The following NKAIN2 variants were observed in gnomAD, a reference collection of about 807,000 sequenced individuals.
NKAIN2 encodes the protein sodium/potassium-transporting ATPase subunit beta-1-interacting protein 2.
A neutral mutation model predicts 32.6 loss-of-function variants in NKAIN2; 14 were observed. The observed-to-expected ratio is 0.43, with a 90% CI of 0.28 to 0.67. The LOEUF (loss-of-function observed/expected upper bound fraction) is 0.67, where lower values mean the gene tolerates loss of function less well. Ranked by LOEUF, NKAIN2 falls within the 30% of genes least tolerant of loss-of-function variation. The pLI is 0.17. For missense variants in NKAIN2, 198 were observed against 258.3 expected (o/e 0.77, Z 1.60); for synonymous variants, 80 against 87.2 (o/e 0.92, Z 0.46).
intron 4 of NKAIN2, among the ~76,000 whole-genome samples, chr6:124,695,737 A>C (rs1016945897): frequency 6.6e-6 from 1 of 152,200 alleles, no homozygotes; most frequent in Admixed American, 6.6e-5. Flanking sequence ...ACTCGGCTAA[A>C]GTAGGAGGGT....
intron 3 of NKAIN2, among the ~76,000 whole-genome samples, chr6:124,525,994 T>A (rs1325263781): frequency 6.6e-6 from 1 of 152,178 alleles, no homozygotes; most frequent in East Asian, 1.9e-4. Context: ...GATACAGTAG[T>A]TAAAAAATGT....
intron 4 of NKAIN2, among the ~76,000 whole-genome samples, chr6:124,685,022 G>T (rs1038728449): frequency 6.6e-6 from 1 of 152,066 alleles, no homozygotes; most frequent in Admixed American, 6.6e-5. Context: ...CCTGGGTAAG[G>T]TTAGTTACTT....
At chr6:124,592,212 C>CA (rs1583487750) in intron 3 of NKAIN2, among the ~76,000 whole-genome samples, 2 of 151,988 alleles carry the variant, frequency 1.3e-5, no homozygotes, top group African/African-American at 4.8e-5. Flanking sequence ...GCTTTGAGGA[C>CA]AAAACAAAAG....
chr6:124,153,199 G>A (rs1441070493), intron 1 of NKAIN2, among the ~76,000 whole-genome samples: 16 of 151,836 alleles, frequency 1.1e-4, no homozygotes, highest in Admixed American at 7.9e-4. Context: ...TGGATATTCC[G>A]ATTACCCTGA....
intron 1 of NKAIN2, among the ~76,000 whole-genome samples, chr6:124,190,145 C>A (rs1409109955): frequency 6.6e-6 from 1 of 152,180 alleles, no homozygotes; most frequent in East Asian, 1.9e-4. Flanking sequence ...TATGGTGGCC[C>A]TGTCTTCATA....
At position 124,726,157 on chromosome 6, in the gene NKAIN2, G is replaced by T. The variant is rs548472370; in HGVS notation, c.475-65182G>T. Among the ~76,000 whole-genome samples the T allele has an allele frequency of 1.6e-4, 25 of 152,306 alleles. 1 individual carries two copies. The South Asian group carries it at 5.2e-3, about 32-fold the overall frequency. On this transcript the variant is annotated intron_variant, in intron 4 of 6. Transcript: ENST00000368417. ...GGGGCGCCCACCATTGCCCAGGCTTGATTAGGTAAACAAAGCAGCCAGAAA... is the reference window on the plus strand; with the variant it reads ...GGGGCGCCCACCATTGCCCAGGCTTTATTAGGTAAACAAAGCAGCCAGAAA...
At chr6:124,676,344 G>A (rs1312763629) in intron 4 of NKAIN2, among the ~76,000 whole-genome samples, 1 of 152,058 alleles carries the variant, frequency 6.6e-6, no homozygotes, top group Non-Finnish European at 1.5e-5. Context: ...GCTCCATTTT[G>A]TCTATATTGT....
At chr6:124,121,029 G>A (rs1785854187) in intron 1 of NKAIN2, among the ~76,000 whole-genome samples, 1 of 152,156 alleles carries the variant, frequency 6.6e-6, no homozygotes, top group African/African-American at 2.4e-5. Context: ...TTTAAGGACA[G>A]TGAAGGCTAA....
chr6:124,502,450 C>T (rs573260179), intron 3 of NKAIN2, among the ~76,000 whole-genome samples: 13 of 152,242 alleles, frequency 8.5e-5, no homozygotes, highest in African/African-American at 2.6e-4. Flanking sequence ...TGAATTCTTC[C>T]ACACATACTT....
chr6:124,392,792 C>T (rs1050500302), intron 3 of NKAIN2, among the ~76,000 whole-genome samples: 1 of 152,098 alleles, frequency 6.6e-6, no homozygotes, highest in African/African-American at 2.4e-5. Flanking sequence ...ATAAATAATT[C>T]AGTGAAAGGC....
At chr6:124,742,999 T>C (rs1381884785) in intron 4 of NKAIN2, among the ~76,000 whole-genome samples, 1 of 151,966 alleles carries the variant, frequency 6.6e-6, no homozygotes, top group Non-Finnish European at 1.5e-5. Flanking sequence ...AATGATGTTA[T>C]TAATCTCTTT....
chr6:124,024,715 G>A (rs758828298), intron 1 of NKAIN2, among the ~76,000 whole-genome samples: 1 of 152,030 alleles, frequency 6.6e-6, no homozygotes, highest in Non-Finnish European at 1.5e-5. Context: ...CTGGCCAGGC[G>A]TGGTGGCTCA....
intron 1 of NKAIN2, among the ~76,000 whole-genome samples, chr6:124,205,081 C>G (rs750698742): frequency 6.6e-6 from 1 of 151,462 alleles, no homozygotes; most frequent in South Asian, 2.1e-4. Context: ...AAAGAAATGT[C>G]CCAGGTAACT....
chr6:124,294,008 T>C (rs73773715), intron 2 of NKAIN2, among the ~76,000 whole-genome samples: 4,466 of 152,270 alleles, frequency 0.029, 222 homozygotes, highest in African/African-American at 0.1. Flanking sequence ...TAGTCTTTTT[T>C]GTGTTGCTAT....
intron 1 of NKAIN2, among the ~76,000 whole-genome samples, chr6:124,278,888 T>G (rs1049345211): frequency 1.3e-5 from 2 of 151,634 alleles, no homozygotes; most frequent in African/African-American, 4.8e-5. Flanking sequence ...AAACTGGAAA[T>G]GAATTAAAGA....
chr6:123,888,270 A>G (rs567758766), intron 1 of NKAIN2, among the ~76,000 whole-genome samples: 13 of 152,240 alleles, frequency 8.5e-5, no homozygotes, highest in African/African-American at 1.7e-4. Context: ...CTAAAGATTA[A>G]TGGAAGTCAT....
intron 2 of NKAIN2, among the ~76,000 whole-genome samples, chr6:124,318,887 T>C (rs902395771): frequency 2.6e-5 from 4 of 152,106 alleles, no homozygotes; most frequent in African/African-American, 9.7e-5. Flanking sequence ...TAAACAAGTC[T>C]GGGTGTTATG....
chr6:124,566,385 G>A (rs1318183053), intron 3 of NKAIN2, among the ~76,000 whole-genome samples: 2 of 152,092 alleles, frequency 1.3e-5, no homozygotes, highest in East Asian at 1.9e-4. Flanking sequence ...GTGAGTAGAG[G>A]TGATGTCTTA....
At chr6:124,412,503 G>A (rs1320338546) in intron 3 of NKAIN2, among the ~76,000 whole-genome samples, 1 of 152,144 alleles carries the variant, frequency 6.6e-6, no homozygotes, top group Non-Finnish European at 1.5e-5. Context: ...TTGGTGAACC[G>A]CAAATGCTGC....
Sources: allele counts gnomAD v4.1 joint callset (sites outside exome capture counted in the v4.1 genomes callset), GRCh38; gene constraint gnomAD v4.1.1; transcripts MANE v1.5; gene names NCBI Gene and HGNC (gene_info 2026-07-23, HGNC 2026-07-21).